The following OLA1 variants were observed in gnomAD, a reference collection of about 807,000 sequenced individuals.
OLA1 encodes obg-like ATPase 1.
A neutral mutation model predicts 48.4 loss-of-function variants in OLA1; 14 were observed. The ratio of observed to expected loss-of-function variants is 0.29; its 90% CI spans 0.19 to 0.45. OLA1 has a LOEUF of 0.45. OLA1 is among the 20% of genes least tolerant of loss of function. The pLI is 1.00. For synonymous variants in OLA1, 127 were observed against 150.4 expected (o/e 0.84, Z 1.14); for missense variants, 325 against 467.1 (o/e 0.70, Z 2.80).
intron 4 of OLA1, among the ~76,000 whole-genome samples, chr2:174,166,896 G>C (rs1023370385): frequency 2.0e-5 from 3 of 152,026 alleles, no homozygotes; most frequent in African/African-American, 7.2e-5. Context: ...CTTCTTTATG[G>C]GAAAAATATT....
chr2:174,081,324 C>A (rs902397561), intron 8 of OLA1, 76 bp from the exon 9 acceptor site: 4 of 1,018,596 alleles, frequency 3.9e-6, no homozygotes, highest in South Asian at 2.7e-5. Context: ...TAAAATTATT[C>A]ATTTCAAGCA....
chr2:174,187,400 A>C (rs1011244012), intron 4 of OLA1, among the ~76,000 whole-genome samples: 9 of 152,228 alleles, frequency 5.9e-5, no homozygotes, highest in Non-Finnish European at 4.4e-5. Context: ...TACAGCAGGC[A>C]CATTTGCTGT....
chr2:174,189,618 G>A (rs1273871762), intron 4 of OLA1, among the ~76,000 whole-genome samples: 1 of 152,044 alleles, frequency 6.6e-6, no homozygotes, highest in Non-Finnish European at 1.5e-5. Flanking sequence ...AAAATATGCA[G>A]GTTTAACACA....
chr2:174,080,971 A>T (rs1684840375), intron 9 of OLA1, 181 bp downstream of exon 9: 1 of 575,304 alleles, frequency 1.7e-6, no homozygotes, highest in East Asian at 3.1e-5. Flanking sequence ...TACCTGCCTC[A>T]ATCAATGCCG....
At chr2:174,163,589 CT>C (rs1280219671) in intron 4 of OLA1, among the ~76,000 whole-genome samples, 3 of 150,506 alleles carry the variant, frequency 2.0e-5, no homozygotes, top group Non-Finnish European at 4.4e-5. Context: ...ACTCGGGAGG[CT>C]GAGGCAGGAG....
intron 7 of OLA1, among the ~76,000 whole-genome samples, chr2:174,089,853 G>A (rs181410327): frequency 7.0e-6 from 1 of 143,188 alleles, no homozygotes; most frequent in Admixed American, 7.3e-5. Flanking sequence ...AGGGAGTCGA[G>A]ATCATGCTAC....
At chr2:174,238,077 TAGA>T (rs1197291511) in intron 2 of OLA1, among the ~76,000 whole-genome samples, 3 of 152,210 alleles carry the variant, frequency 2.0e-5, no homozygotes, top group East Asian at 1.9e-4. Context: ...GGGAATAAAG[TAGA>T]AGATTATCTT....
chr2:174,099,773 C>T (rs2105351750), intron 7 of OLA1, among the ~76,000 whole-genome samples: 2 of 152,250 alleles, frequency 1.3e-5, no homozygotes, highest in Middle Eastern at 6.8e-3. Flanking sequence ...AAGATTTCTG[C>T]TCTTAGTATC....
At chr2:174,141,307 T>A (rs1422383147) in intron 5 of OLA1, among the ~76,000 whole-genome samples, 1 of 152,244 alleles carries the variant, frequency 6.6e-6, no homozygotes, top group Non-Finnish European at 1.5e-5. Flanking sequence ...TTTTGGAACA[T>A]TTATTACAAT....
chr2:174,166,910 A>C (rs1037107823), intron 4 of OLA1, among the ~76,000 whole-genome samples: 1 of 152,154 alleles, frequency 6.6e-6, no homozygotes, highest in Non-Finnish European at 1.5e-5. Flanking sequence ...AAATATTTTT[A>C]AGTTCCCCTT....
intron 2 of OLA1, among the ~76,000 whole-genome samples, chr2:174,239,239 G>A (rs1354093477): frequency 6.6e-6 from 1 of 152,096 alleles, no homozygotes; most frequent in Non-Finnish European, 1.5e-5. Flanking sequence ...AACAATATAT[G>A]TACAAAATTT....
chr2:174,092,335 T>C (rs1235943173), intron 7 of OLA1, among the ~76,000 whole-genome samples: 1 of 151,790 alleles, frequency 6.6e-6, no homozygotes, highest in African/African-American at 2.4e-5. Flanking sequence ...ATAAATTGAG[T>C]TGAAACTTAA....
At chr2:174,146,745 A>G (rs1255428574) in intron 4 of OLA1, among the ~76,000 whole-genome samples, 1 of 152,216 alleles carries the variant, frequency 6.6e-6, no homozygotes, top group East Asian at 1.9e-4. Context: ...TACTATTTAG[A>G]GATAAAGACA....
chr2:174,207,935 T>C (rs1176835763), intron 4 of OLA1, among the ~76,000 whole-genome samples: 2 of 152,168 alleles, frequency 1.3e-5, no homozygotes, highest in African/African-American at 2.4e-5. Context: ...AATACAGTAT[T>C]GGCCCAATGC....
chr2:174,191,893 C>T (rs1043603859), intron 4 of OLA1, among the ~76,000 whole-genome samples: 1 of 152,148 alleles, frequency 6.6e-6, no homozygotes, highest in Non-Finnish European at 1.5e-5. Flanking sequence ...GGAATTCTCT[C>T]GATCACAGCA....
intron 5 of OLA1, among the ~76,000 whole-genome samples, chr2:174,133,860 C>A (rs187730378): frequency 5.9e-5 from 9 of 152,278 alleles, no homozygotes; most frequent in Admixed American, 3.3e-4. Flanking sequence ...GTTATACAAA[C>A]CACCTCTATC....
chr2:174,127,104 T>C (rs1345011503), intron 5 of OLA1, among the ~76,000 whole-genome samples: 1 of 152,216 alleles, frequency 6.6e-6, no homozygotes, highest in Non-Finnish European at 1.5e-5. Flanking sequence ...ATTTTCTTGA[T>C]ATATTTTATT....
intron 4 of OLA1, among the ~76,000 whole-genome samples, chr2:174,163,711 AATATATATATATATATAT>A (rs58320338): frequency 0.014 from 486 of 34,166 alleles, 6 homozygotes; most frequent in Non-Finnish European, 0.017. Flanking sequence ...TAAATAAATA[AATATATATATATATATAT>A]ATATATATAT....
At chr2:174,233,231 G>A (rs1390515805) in intron 2 of OLA1, among the ~76,000 whole-genome samples, 1 of 152,152 alleles carries the variant, frequency 6.6e-6, no homozygotes, top group Non-Finnish European at 1.5e-5. Flanking sequence ...TGGGGGGAAA[G>A]AGAAATGGGA....
Sources: allele counts gnomAD v4.1 joint callset (sites outside exome capture counted in the v4.1 genomes callset), GRCh38; gene constraint gnomAD v4.1.1; transcripts MANE v1.5; gene names NCBI Gene and HGNC (gene_info 2026-07-23, HGNC 2026-07-21).